Variants in IL1RL1 observed in about 807,000 individuals in gnomAD.
IL1RL1 encodes the protein interleukin-1 receptor-like 1.
In IL1RL1, 32 loss-of-function variants were observed where a neutral mutation model predicts 50.9. The ratio of observed to expected loss-of-function variants is 0.63; its 90% CI spans 0.47 to 0.84. The LOEUF is 0.84. Among genes scored for constraint, IL1RL1 ranks in the 40% least tolerant of loss-of-function variants. IL1RL1 has a pLI of 0.00. For missense variants in IL1RL1, 773 were observed against 662.9 expected, an observed-to-expected ratio of 1.17 and a Z score of -1.82; for synonymous variants, 275 against 236.0, an observed-to-expected ratio of 1.17 and a Z score of -1.51.
chr2:102,324,660 G>A (rs1043140252), intron 1 of IL1RL1, among the ~76,000 whole-genome samples: 2 of 152,190 alleles, frequency 1.3e-5, no homozygotes, highest in Admixed American at 6.5e-5. Context: ...CCCTAATACT[G>A]TGCTTTTCCA....
rs377734212 is a variant in IL1RL1 at position 102,343,192 on chromosome 2, A to G, written c.824+15A>G. ...CAAAATCAAAGGTATTTTTATATTGAAGAGAACCATCCTCTTCCCCTTGCA... is the reference window on the plus strand; with the variant it reads ...CAAAATCAAAGGTATTTTTATATTGGAGAGAACCATCCTCTTCCCCTTGCA... On this transcript the variant is annotated intron_variant, in intron 7 of 10. Coordinates refer to ENST00000233954, the MANE Select transcript of IL1RL1 (RefSeq NM_016232.5). The G allele has an allele frequency of 8.4e-5, 135 of 1,613,970 alleles. 1 individual carries two copies. The highest frequency in any genetic ancestry group is 1.1e-4 in the Non-Finnish European group (131 of 1,179,970).
chr2:102,335,673 T>C (rs975028798), intron 1 of IL1RL1, among the ~76,000 whole-genome samples: 1 of 152,232 alleles, frequency 6.6e-6, no homozygotes, highest in African/African-American at 2.4e-5. Flanking sequence ...CTTTATTTTT[T>C]AAACTGAGAA....
At chr2:102,312,666 G>A (rs1676552445) in intron 1 of IL1RL1, among the ~76,000 whole-genome samples, 2 of 152,026 alleles carry the variant, frequency 1.3e-5, no homozygotes, top group South Asian at 4.2e-4. Context: ...ACATGAGAGG[G>A]GTGGATATGA....
chr2:102,322,689 T>C (rs1461474268), intron 1 of IL1RL1, among the ~76,000 whole-genome samples: 15 of 152,220 alleles, frequency 9.9e-5, no homozygotes, highest in Admixed American at 9.8e-4. Flanking sequence ...GCATCAATCT[T>C]ACATATTCAG....
At chr2:102,314,132 G>T (rs73002422) in intron 1 of IL1RL1, among the ~76,000 whole-genome samples, 1 of 140,524 alleles carries the variant, frequency 7.1e-6, no homozygotes, top group African/African-American at 2.6e-5. Context: ...TCCTTAGCAC[G>T]CTTGGAATAA....
intron 8 of IL1RL1, chr2:102,345,084 G>C: frequency 1.2e-6 from 1 of 866,628 alleles, no homozygotes. Flanking sequence ...CCTGGGTGCA[G>C]GCAAGAAGGG....
At chr2:102,344,115 G>C (rs1677692072) in intron 8 of IL1RL1, 1 of 171,370 alleles carries the variant, frequency 5.8e-6, no homozygotes, top group Admixed American at 6.5e-5. Context: ...AGCAAAGGCA[G>C]GCACTTCACA....
intron 1 of IL1RL1, among the ~76,000 whole-genome samples, chr2:102,323,375 T>G (rs969098058): frequency 6.6e-6 from 1 of 151,926 alleles, no homozygotes; most frequent in African/African-American, 2.4e-5. Flanking sequence ...TTTTGATACA[T>G]GTATACTCCA....
intron 1 of IL1RL1, among the ~76,000 whole-genome samples, chr2:102,313,705 A>G (rs112241323): frequency 6.6e-5 from 10 of 152,310 alleles, no homozygotes; most frequent in African/African-American, 2.4e-4. Context: ...TTGGGTGATG[A>G]CTTTGAGCCA....
intron 10 of IL1RL1, among the ~76,000 whole-genome samples, chr2:102,349,904 G>A (rs1677883090): frequency 6.6e-6 from 1 of 152,140 alleles, no homozygotes; most frequent in Non-Finnish European, 1.5e-5. Context: ...GAAGGGTTTG[G>A]AATATAACTG....
intron 1 of IL1RL1, among the ~76,000 whole-genome samples, chr2:102,336,277 C>A (rs1241287159): frequency 1.3e-5 from 2 of 152,164 alleles, no homozygotes; most frequent in Non-Finnish European, 1.5e-5. Context: ...GTTGCTTAAT[C>A]TCTCTGTGCC....
intron 1 of IL1RL1, among the ~76,000 whole-genome samples, chr2:102,325,227 T>A (rs942587230): frequency 6.6e-6 from 1 of 152,218 alleles, no homozygotes; most frequent in Non-Finnish European, 1.5e-5. Flanking sequence ...CTGCTGCTGA[T>A]ACCCAGGCAA....
Position 102,349,266 on chromosome 2 carries a change from T to C in IL1RL1, c.1285+20T>C. ...GAGAAGGTAAAGCTATTGACATACA[T>C]TAGGGACAGAAATTCATGCTTATTA... is the stretch of plus-strand genomic sequence containing the variant. On this transcript the variant is annotated intron_variant, in intron 10 of 10. Transcript: ENST00000233954. The C allele has an allele frequency of 6.2e-7, 1 of 1,605,242 alleles. No individual in the cohort carries two copies. The highest frequency in any genetic ancestry group is 8.5e-7 in the Non-Finnish European group (1 of 1,172,076).
rs1268129250 is a variant in IL1RL1, at chr2:102,340,174, T to C, written c.349T>C (p.Leu117=). 2 of 1,600,298 alleles carry C rather than the reference T, an allele frequency of 1.2e-6. No homozygotes were observed. The highest frequency in any genetic ancestry group is 8.5e-7 in the Non-Finnish European group (1 of 1,173,084). The change falls in exon 4 of 11, where the codon TTG becomes CTG. Residue 117 remains leucine (L), a synonymous_variant. Transcript: ENST00000233954. Reference sequence around the variant, plus strand: ...ATCAGATTGCAATGTTCCAGATTATTTGATGTATTCAACAGTATCTGGATC... The same window carrying C: ...ATCAGATTGCAATGTTCCAGATTATCTGATGTATTCAACAGTATCTGGATC... The part of the protein sequence containing the change: ...KQSDCNVPDY[L]MYSTVSGSEK...
intron 1 of IL1RL1, among the ~76,000 whole-genome samples, chr2:102,332,301 G>A (rs535076797): frequency 6.6e-6 from 1 of 152,304 alleles, no homozygotes; most frequent in African/African-American, 2.4e-5. Context: ...GGGATTGGGA[G>A]AGGAGACATT....
chr2:102,315,361 A>G (rs1480374716), intron 1 of IL1RL1, among the ~76,000 whole-genome samples: 1 of 152,158 alleles, frequency 6.6e-6, no homozygotes, highest in Non-Finnish European at 1.5e-5. Context: ...AGAAAATATC[A>G]TGTACCTTTT....
chr2:102,326,819 A>G (rs1677015684), intron 1 of IL1RL1, among the ~76,000 whole-genome samples: 1 of 152,190 alleles, frequency 6.6e-6, no homozygotes, highest in Admixed American at 6.5e-5. Flanking sequence ...CTAAATATAT[A>G]TGCACCCAAT....
intron 1 of IL1RL1, among the ~76,000 whole-genome samples, chr2:102,314,983 T>G (rs1676634874): frequency 6.6e-6 from 1 of 152,216 alleles, no homozygotes; most frequent in African/African-American, 2.4e-5. Context: ...TCCTGGGCCA[T>G]GAAGAAAGGC....
chr2:102,325,640 T>C (rs1306993460), intron 1 of IL1RL1, among the ~76,000 whole-genome samples: 1 of 151,994 alleles, frequency 6.6e-6, no homozygotes, highest in Non-Finnish European at 1.5e-5. Context: ...GAATAACCAA[T>C]GCAGAGAAGT....
Sources: allele counts gnomAD v4.1 joint callset (sites outside exome capture counted in the v4.1 genomes callset), GRCh38; gene constraint gnomAD v4.1.1; transcripts MANE v1.5; gene names NCBI Gene and HGNC (gene_info 2026-07-23, HGNC 2026-07-21).